BICC1: variants seen among roughly 807,000 people sequenced by gnomAD.
The protein encoded by BICC1 is BicC family RNA binding protein 1.
BICC1 carries 43 observed loss-of-function variants against 111.0 expected under a neutral mutation model. That is an observed-to-expected ratio of 0.39 (90% CI 0.30 to 0.50). The LOEUF is 0.50. BICC1 is among the 20% of genes least tolerant of loss of function. The probability of loss-of-function intolerance (pLI) is 0.88; values close to 1 mark genes in which losing one functional copy is unlikely to be tolerated. For missense variants in BICC1, 1,091 were observed against 1,203.2 expected, an observed-to-expected ratio of 0.91 and a Z score of 1.38; for synonymous variants, 467 against 434.4, an observed-to-expected ratio of 1.07 and a Z score of -0.93.
chr10:58,543,833 T>A (rs1241671001), intron 1 of BICC1, among the ~76,000 whole-genome samples: 3 of 134,984 alleles, frequency 2.2e-5, no homozygotes, highest in African/African-American at 5.5e-5. Flanking sequence ...TAACCATAAT[T>A]AAAAAAAAAA....
intron 18 of BICC1, among the ~76,000 whole-genome samples, chr10:58,814,802 A>G (rs1241461642): frequency 6.6e-6 from 1 of 152,128 alleles, no homozygotes; most frequent in African/African-American, 2.4e-5. Flanking sequence ...TCTCAAAAAA[A>G]AAAAGTGGTT....
rs138547218 is a variant in BICC1, at chr10:58,573,011, T to C, written c.191-47844T>C. 2.4e-4 allele frequency among the ~76,000 whole-genome samples: 37 copies of C among 152,090 alleles called. 1 individual carries two copies. In the East Asian group the frequency reaches 7.1e-3, roughly 29 times the overall value. The stretch of plus-strand genomic sequence containing the variant: ...TAAGAAAGCCAAAGTAGATAATTCA[T>C]ATTTGACTTTGGATCCTGTGTTTTC... On this transcript the variant is annotated intron_variant, in intron 1 of 20. Transcript: ENST00000373886.
chr10:58,729,776 C>T (rs144186351), intron 3 of BICC1, among the ~76,000 whole-genome samples: 8 of 152,254 alleles, frequency 5.3e-5, no homozygotes, highest in South Asian at 4.1e-4. Context: ...AACCACATCT[C>T]GCAAGAATTC....
At chr10:58,692,317 A>G (rs545214215) in intron 2 of BICC1, among the ~76,000 whole-genome samples, 3 of 152,300 alleles carry the variant, frequency 2.0e-5, no homozygotes, top group Admixed American at 6.5e-5. Context: ...AAGCCTGCCT[A>G]TAGTGTGGAC....
In BICC1 at chr10:58,820,374, T is replaced by C; in HGVS notation, c.2700T>C (p.Asp900=). 6.2e-7 allele frequency: 1 copy of C among 1,609,652 alleles called. No homozygotes were observed. The highest frequency in any genetic ancestry group is 8.5e-7 in the Non-Finnish European group (1 of 1,176,404). The change falls in exon 20 of 21, where the codon GAT becomes GAC. Residue 900 remains aspartate, a synonymous_variant. Transcript: ENST00000373886. The part of the protein sequence containing the change: ...YTDVFQQQEI[D]LQTFLTLTDQ... ...ATTGACCTTTCTACCCACAGATCGA[T>C]CTTCAGACATTCCTCACTCTCACAG...
intron 1 of BICC1, among the ~76,000 whole-genome samples, chr10:58,619,193 C>A (rs1050552494): frequency 1.3e-5 from 2 of 152,176 alleles, no homozygotes; most frequent in African/African-American, 4.8e-5. Flanking sequence ...AGTACATGAA[C>A]ACCTTTGCTA....
chr10:58,681,279 G>T (rs1280812696), intron 2 of BICC1, among the ~76,000 whole-genome samples: 1 of 152,080 alleles, frequency 6.6e-6, no homozygotes, highest in African/African-American at 2.4e-5. Flanking sequence ...TCTGACAAAG[G>T]CCTAATATAC....
intron 2 of BICC1, chr10:58,648,663 C>T (rs1253790203): frequency 8.1e-6 from 8 of 984,722 alleles, no homozygotes; most frequent in Admixed American, 6.2e-5. Context: ...GGCATCAGAA[C>T]GCTAAGGTAC....
chr10:58,697,439 A>C (rs1840095750), intron 2 of BICC1, among the ~76,000 whole-genome samples: 1 of 152,202 alleles, frequency 6.6e-6, no homozygotes, highest in Non-Finnish European at 1.5e-5. Context: ...TGAAGGTGCA[A>C]ATAGGGACAA....
intron 1 of BICC1, among the ~76,000 whole-genome samples, chr10:58,574,910 A>G (rs1424536624): frequency 1.3e-5 from 2 of 151,400 alleles, no homozygotes; most frequent in African/African-American, 4.9e-5. Flanking sequence ...TGTCCCTCTC[A>G]CTCTTCAGGT....
At chr10:58,550,661 T>A (rs1326671392) in intron 1 of BICC1, among the ~76,000 whole-genome samples, 2 of 152,206 alleles carry the variant, frequency 1.3e-5, no homozygotes, top group Non-Finnish European at 2.9e-5. Context: ...TGTATGAATA[T>A]ACAATTATTC....
At chr10:58,746,464 C>T (rs1442717726) in intron 3 of BICC1, among the ~76,000 whole-genome samples, 3 of 152,114 alleles carry the variant, frequency 2.0e-5, no homozygotes, top group African/African-American at 7.2e-5. Flanking sequence ...GTAAGAAAAA[C>T]ACCTACCTTC....
At chr10:58,586,549 AG>A (rs1229898418) in intron 1 of BICC1, among the ~76,000 whole-genome samples, 3 of 150,070 alleles carry the variant, frequency 2.0e-5, no homozygotes, top group Non-Finnish European at 4.4e-5. Context: ...GGGGGCGCGG[AG>A]GTTGCAGTGA....
intron 3 of BICC1, among the ~76,000 whole-genome samples, chr10:58,735,647 A>G (rs1054081569): frequency 6.6e-6 from 1 of 152,196 alleles, no homozygotes; most frequent in Admixed American, 6.5e-5. Context: ...ACTTTTGGGA[A>G]ACTCTTCAAC....
At chr10:58,612,960 T>TG (rs61391445) in intron 1 of BICC1, among the ~76,000 whole-genome samples, 34,832 of 152,052 alleles carry the variant, frequency 0.23, 4,434 homozygotes, top group East Asian at 0.45. Context: ...CTCTGTAGTT[T>TG]GGGGGGATTG....
rs555198046 is a variant in BICC1 at position 58,736,328 on chromosome 10, A to G, written c.307+34185A>G. Among the ~76,000 whole-genome samples the G allele has an allele frequency of 3.9e-5, 6 of 152,310 alleles. No homozygotes were observed. In the East Asian group the frequency reaches 1.2e-3, roughly 29 times the overall value. On this transcript the variant is annotated intron_variant, in intron 3 of 20. Coordinates refer to ENST00000373886, the MANE Select transcript of BICC1 (RefSeq NM_001080512.3). ...CCCAACAAATAGCTGATGACTCACT[A>G]AAATGAGCAGTACAAATTTTATTTT... is the stretch of plus-strand genomic sequence containing the variant.
At chr10:58,717,478 A>G (rs1395455302) in intron 3 of BICC1, among the ~76,000 whole-genome samples, 2 of 152,152 alleles carry the variant, frequency 1.3e-5, no homozygotes, top group African/African-American at 4.8e-5. Context: ...TTAAAAGTTT[A>G]TTGTCTTTGT....
intron 2 of BICC1, among the ~76,000 whole-genome samples, chr10:58,701,343 G>T (rs1186826496): frequency 6.6e-6 from 1 of 152,142 alleles, no homozygotes; most frequent in Non-Finnish European, 1.5e-5. Flanking sequence ...GAGGAACAGA[G>T]GACGCACATT....
intron 3 of BICC1, among the ~76,000 whole-genome samples, chr10:58,731,259 C>T (rs1030577913): frequency 6.6e-6 from 1 of 152,148 alleles, no homozygotes; most frequent in Non-Finnish European, 1.5e-5. Flanking sequence ...AAAAGTTCCT[C>T]ATCTCCGTCT....
Sources: allele counts gnomAD v4.1 joint callset (sites outside exome capture counted in the v4.1 genomes callset), GRCh38; gene constraint gnomAD v4.1.1; transcripts MANE v1.5; gene names NCBI Gene and HGNC (gene_info 2026-07-23, HGNC 2026-07-21).